The following PLPP3 variants were observed in gnomAD, a reference collection of about 807,000 sequenced individuals.
PLPP3 encodes the protein phospholipid phosphatase 3, also known as PAP2 beta.
A neutral mutation model predicts 29.6 loss-of-function variants in PLPP3; 6 were observed. The observed-to-expected ratio is 0.20, with a 90% CI of 0.11 to 0.40. The LOEUF is 0.40. Ranked by LOEUF, PLPP3 falls within the 10% of genes least tolerant of loss-of-function variation. The pLI is 1.00. For synonymous variants in PLPP3, 152 were observed against 159.7 expected (o/e 0.95, Z 0.36); for missense variants, 308 against 407.7 (o/e 0.76, Z 2.11).
At chr1:56,518,388 A>C (rs1284853972) in intron 4 of PLPP3, among the ~76,000 whole-genome samples, 1 of 152,082 alleles carries the variant, frequency 6.6e-6, no homozygotes, top group Non-Finnish European at 1.5e-5. Flanking sequence ...AAACCCTCTG[A>C]CACACAAACA....
At chr1:56,563,288 C>G (rs1157273399) in intron 1 of PLPP3, among the ~76,000 whole-genome samples, 2 of 152,210 alleles carry the variant, frequency 1.3e-5, no homozygotes, top group Non-Finnish European at 1.5e-5. Flanking sequence ...GCTAATCACA[C>G]CACCATTCAA....
At chr1:56,538,395 C>T in intron 1 of PLPP3, 1 of 336,254 alleles carries the variant, frequency 3.0e-6, no homozygotes. Flanking sequence ...TAGGGAAGAC[C>T]ACCAAAAACA....
Position 56,524,249 on chromosome 1 carries a change from C to G in PLPP3, c.575+28G>C. 6.2e-7 allele frequency: 1 copy of G among 1,611,358 alleles called. No individual in the cohort carries two copies. The highest frequency in any genetic ancestry group is 8.5e-7 in the Non-Finnish European group (1 of 1,179,034). ...CTGCACTGTATGAAAGGGGTCCAGG[C>G]TCTGGCCATGCGGAGGTGGTGTCTC... On this transcript the variant is annotated intron_variant, in intron 3 of 5. Coordinates refer to ENST00000371250, the MANE Select transcript of PLPP3 (RefSeq NM_003713.5). This position sits in a 1 kb window ranked among gnomAD's most constrained non-coding sequence, Gnocchi z 4.3.
At chr1:56,568,319 T>C (rs1367787708) in intron 1 of PLPP3, among the ~76,000 whole-genome samples, 1 of 152,166 alleles carries the variant, frequency 6.6e-6, no homozygotes, top group Non-Finnish European at 1.5e-5. Flanking sequence ...TTGCATAGTA[T>C]GTGAATATCT....
chr1:56,547,323 A>C (rs1233140150), intron 1 of PLPP3, among the ~76,000 whole-genome samples: 1 of 152,162 alleles, frequency 6.6e-6, no homozygotes, highest in African/African-American at 2.4e-5. Flanking sequence ...ATAGGAAACA[A>C]ACCAAAATCT....
chr1:56,538,467 G>A (rs940999222), intron 1 of PLPP3: 4 of 452,358 alleles, frequency 8.8e-6, no homozygotes, highest in Non-Finnish European at 8.8e-6. Flanking sequence ...AAACACAAAG[G>A]GAAAGAGGAG....
rs1557513521 is a variant in PLPP3, at chr1:56,557,012, G to GGAAAGAAAGAAAGAAA, written c.140-19901_140-19900insTTTCTTTCTTTCTTTC. Among the ~76,000 whole-genome samples, 74 of 9,120 alleles carry GGAAAGAAAGAAAGAAA rather than the reference G, an allele frequency of 8.1e-3. 12 individuals are homozygous for GGAAAGAAAGAAAGAAA. Among genetic ancestry groups the GGAAAGAAAGAAAGAAA allele is most frequent in the Admixed American group, 0.013 (9 of 692 alleles). The allele number at this position is 9,120 out of a possible 152,430, so 6.0% of individuals were successfully genotyped here. A position where few individuals can be genotyped will look rare whatever the true frequency, so the allele number is the denominator to read the frequency against. ...AAAGAAAGAAAGAAAGAAAGAAAGAGAGAGAGAGAGAGAAAGAGAGAGAGA... is the reference window on the plus strand; with the variant it reads ...AAAGAAAGAAAGAAAGAAAGAAAGAGGAAAGAAAGAAAGAAAAGAGAGAGAGAGAAAGAGAGAGAGA... On this transcript the variant is annotated intron_variant, in intron 1 of 5. Transcript: ENST00000371250.
intron 1 of PLPP3, among the ~76,000 whole-genome samples, chr1:56,557,880 C>A (rs948227919): frequency 6.6e-6 from 1 of 152,148 alleles, no homozygotes; most frequent in Non-Finnish European, 1.5e-5. Flanking sequence ...CTTTTCCAAC[C>A]CCATATTGCT....
intron 4 of PLPP3, among the ~76,000 whole-genome samples, chr1:56,514,658 G>C (rs557969466): frequency 6.6e-6 from 1 of 152,230 alleles, no homozygotes; most frequent in African/African-American, 2.4e-5. Context: ...AAGTCCTGAA[G>C]GAAAGAATAC....
intron 1 of PLPP3, among the ~76,000 whole-genome samples, 167 bp downstream of exon 1, chr1:56,578,711 C>T (rs1033926746): frequency 1.3e-5 from 2 of 151,664 alleles, no homozygotes. Flanking sequence ...TCGGGGAGGG[C>T]GGGGGCTTCG....
chr1:56,571,101 A>C lies in PLPP3; in HGVS notation c.139+7777T>G, dbSNP rs374314684. ...GAATAATATCAAATTTCAAACCAAC[A>C]AGTCCACATCCGAAAAGCAGAATGG... On this transcript the variant is annotated intron_variant, in intron 1 of 5. Transcript: ENST00000371250. 9.9e-5 allele frequency among the ~76,000 whole-genome samples: 15 copies of C among 152,198 alleles called. 1 individual carries two copies. The highest frequency in any genetic ancestry group is 9.6e-4 in the East Asian group (5 of 5,198).
chr1:56,551,577 T>C (rs1022846050), intron 1 of PLPP3, among the ~76,000 whole-genome samples: 1 of 152,140 alleles, frequency 6.6e-6, no homozygotes, highest in Non-Finnish European at 1.5e-5. Context: ...AAGGAGAAGA[T>C]GCCTGGGAAT....
chr1:56,516,878 G>A (rs572827887), intron 4 of PLPP3: 2 of 151,920 alleles, frequency 1.3e-5, no homozygotes, highest in South Asian at 4.2e-4. Flanking sequence ...GCCCTGGCAT[G>A]TAGAACTCAC....
At chr1:56,537,755 TTC>T (rs1645938126) in intron 1 of PLPP3, among the ~76,000 whole-genome samples, 1 of 152,192 alleles carries the variant, frequency 6.6e-6, no homozygotes, top group African/African-American at 2.4e-5. Flanking sequence ...TTCCAGGCTT[TTC>T]TTTCACTGTT....
At chr1:56,558,101 C>T (rs992082304) in intron 1 of PLPP3, among the ~76,000 whole-genome samples, 8 of 152,122 alleles carry the variant, frequency 5.3e-5, no homozygotes, top group African/African-American at 1.4e-4. Flanking sequence ...ACTCTTTTCA[C>T]GGGAGGGAGG....
chr1:56,518,636 T>G (rs76139953), intron 4 of PLPP3, among the ~76,000 whole-genome samples: 3,856 of 151,708 alleles, frequency 0.025, 53 homozygotes, highest in South Asian at 0.087. Flanking sequence ...CAGGCATTAT[T>G]TTGGGAAGTA....
chr1:56,543,914 T>G (rs1164439023), intron 1 of PLPP3, among the ~76,000 whole-genome samples: 3 of 152,202 alleles, frequency 2.0e-5, no homozygotes, highest in Non-Finnish European at 4.4e-5. Context: ...GTCCTAGTAC[T>G]TGGGTTTCCT....
chr1:56,574,037 T>TA (rs1180462175), intron 1 of PLPP3, among the ~76,000 whole-genome samples: 3 of 151,776 alleles, frequency 2.0e-5, no homozygotes, highest in African/African-American at 7.3e-5. Context: ...CTGTCTCTAC[T>TA]AAAATACAAA....
chr1:56,556,565 T>C (rs1456481109), intron 1 of PLPP3, among the ~76,000 whole-genome samples: 6 of 152,018 alleles, frequency 3.9e-5, no homozygotes, highest in Non-Finnish European at 8.8e-5. Context: ...GTTTAAAGCA[T>C]CAATAATGAT....
Sources: gnomAD v4.1 joint callset for allele counts (sites outside exome capture counted in the v4.1 genomes callset) on GRCh38, gnomAD v4.1.1 for gene constraint, Gnocchi (gnomAD v3.1) non-coding constraint, MANE v1.5 for transcripts, NCBI Gene and HGNC (gene_info 2026-07-23, HGNC 2026-07-21) for gene names.